KIF15: variants seen among roughly 807,000 people sequenced by gnomAD.
The protein encoded by KIF15 is kinesin-like protein KIF15.
KIF15 carries 140 observed loss-of-function variants against 190.6 expected under a neutral mutation model. The observed-to-expected ratio is 0.73, with a 90% confidence interval of 0.64 to 0.84. The LOEUF (loss-of-function observed/expected upper bound fraction) is 0.84, where lower values mean the gene tolerates loss of function less well. Ranked by LOEUF, KIF15 falls within the 40% of genes least tolerant of loss-of-function variation. The pLI is 0.00. For missense variants in KIF15, 1,372 were observed against 1,584.4 expected (o/e 0.87, Z 2.28); for synonymous variants, 528 against 551.3 (o/e 0.96, Z 0.59).
At chr3:44,800,191 A>G (rs1439586120) in intron 10 of KIF15, 123 bp from the exon 11 acceptor site, 31 of 826,482 alleles carry the variant, frequency 3.8e-5, no homozygotes, top group South Asian at 3.6e-5. Flanking sequence ...CCTTTTGACT[A>G]TGATGTGGTC....
intron 6 of KIF15, among the ~76,000 whole-genome samples, chr3:44,866,538 C>T (rs775778168): frequency 6.6e-6 from 1 of 152,230 alleles, no homozygotes; most frequent in Non-Finnish European, 1.5e-5. Context: ...TGAGTCTGAT[C>T]TCTGGCCCCA....
At chr3:44,839,967 G>A (rs1043451995) in intron 27 of KIF15, among the ~76,000 whole-genome samples, 11 of 152,140 alleles carry the variant, frequency 7.2e-5, no homozygotes, top group African/African-American at 2.2e-4. Context: ...TGGCTATTAC[G>A]AATAATGCTT....
intron 7 of KIF15, among the ~76,000 whole-genome samples, chr3:44,790,071 A>G (rs1706609837): frequency 6.6e-6 from 1 of 152,212 alleles, no homozygotes. Flanking sequence ...AGCACTTCCT[A>G]CCACCATACA....
Position 44,775,283 on chromosome 3 carries a change from T to C in KIF15, c.92T>C (p.Val31Ala). 6.2e-7 allele frequency: 1 copy of C among 1,613,944 alleles called. No individual in the cohort carries two copies. The highest frequency in any genetic ancestry group is 1.3e-5 in the African/African-American group (1 of 75,006). The change falls in exon 3 of 35, where the codon GTG becomes GCG. Residue 31 changes from valine to alanine, a missense_variant. Transcript: ENST00000326047. ...GAAGGTGATGCCATCAAAGTTTTTG[T>C]GCGAATTCGTCCTCCTGCAGAAAGA... ...SNEGDAIKVFVRIRPPAERSG... is the reference protein window; with the variant it reads ...SNEGDAIKVFARIRPPAERSG...
downstream of KIF15, among the ~76,000 whole-genome samples, chr3:44,855,284 A>G (rs1000266672): frequency 2.6e-5 from 4 of 152,228 alleles, no homozygotes; most frequent in Non-Finnish European, 5.9e-5. Context: ...AGGAGATTAC[A>G]AAGAACCTTA....
intron 6 of KIF15, among the ~76,000 whole-genome samples, chr3:44,867,722 G>A (rs995000554): frequency 2.6e-5 from 4 of 152,228 alleles, no homozygotes; most frequent in Non-Finnish European, 5.9e-5. Flanking sequence ...CTAAGAGGAA[G>A]ATCAGTCATT....
At chr3:44,845,875 C>T (rs190714662) in intron 30 of KIF15, among the ~76,000 whole-genome samples, 11 of 152,294 alleles carry the variant, frequency 7.2e-5, no homozygotes, top group Admixed American at 3.3e-4. Context: ...AACGCCAACT[C>T]CTGCACTGAG....
At chr3:44,849,040 G>T (rs1413818565) in intron 32 of KIF15, among the ~76,000 whole-genome samples, 3 of 152,196 alleles carry the variant, frequency 2.0e-5, no homozygotes, top group African/African-American at 7.2e-5. Context: ...TCTTTGATGA[G>T]CAAGGTGTAC....
chr3:44,792,465 C>G (rs1217195600), intron 7 of KIF15, among the ~76,000 whole-genome samples: 1 of 151,662 alleles, frequency 6.6e-6, no homozygotes, highest in Non-Finnish European at 1.5e-5. Context: ...CAAAGTGAGA[C>G]TCTGTCTTAA....
intron 20 of KIF15, 77 bp from the exon 21 acceptor site, chr3:44,825,962 T>C (rs1697614510): frequency 6.9e-6 from 9 of 1,304,326 alleles, no homozygotes; most frequent in Non-Finnish European, 7.4e-6. Flanking sequence ...ATGAGATAAA[T>C]TGAACTGCAG....
At position 44,799,445 on chromosome 3, in the gene KIF15, T is replaced by TA. The variant is rs199873166; in HGVS notation, c.1099-868dup. 6.0e-3 allele frequency among the ~76,000 whole-genome samples: 915 copies of TA among 152,210 alleles called. 5 individuals carry two copies. Among genetic ancestry groups the TA allele is most frequent in the Middle Eastern group, 0.024 (7 of 294 alleles). ...ACAGGGTGTTTTTTCCTTGCTGGAG[T>TA]ACTGAGTATTTCACAACTGAGTCCT... On this transcript the variant is annotated intron_variant, in intron 10 of 34. Transcript: ENST00000326047.
chr3:44,812,439 T>C (rs1013595159), intron 18 of KIF15, 150 bp downstream of exon 18: 9 of 637,420 alleles, frequency 1.4e-5, no homozygotes, highest in Non-Finnish European at 2.5e-5. Context: ...CACATGGCCT[T>C]AGTGAAGGCT....
intron 1 of KIF15, among the ~76,000 whole-genome samples, chr3:44,768,732 G>C (rs900057148): frequency 3.9e-5 from 6 of 151,910 alleles, no homozygotes; most frequent in East Asian, 3.9e-4. Flanking sequence ...CTGCTGACAG[G>C]GGGTGCTGTG....
At chr3:44,829,604 A>ATATAT (rs1491488325) in intron 24 of KIF15, among the ~76,000 whole-genome samples, 2 of 32,232 alleles carry the variant, frequency 6.2e-5, no homozygotes, top group African/African-American at 2.5e-4. Context: ...TTATATATGC[A>ATATAT]TATATATTAT....
intron 33 of KIF15, 21 bp from the exon 34 acceptor site, chr3:44,852,187 C>T (rs1699084942): frequency 6.2e-7 from 1 of 1,601,252 alleles, no homozygotes; most frequent in African/African-American, 1.3e-5. Context: ...ATTTTTCCCT[C>T]CTTGGATTGA....
downstream of KIF15, among the ~76,000 whole-genome samples, chr3:44,856,435 C>T (rs1029602451): frequency 1.4e-4 from 22 of 152,092 alleles, 1 homozygote; most frequent in Admixed American, 9.8e-4. Context: ...GGCGGGTTAG[C>T]GGCTTGTAAC....
chr3:44,814,889 A>G (rs755156127), intron 19 of KIF15, 22 bp from the exon 20 acceptor site: 6 of 1,562,426 alleles, frequency 3.8e-6, no homozygotes, highest in Non-Finnish European at 5.2e-6. Flanking sequence ...CCTACTGAGG[A>G]TATGTTTTCT....
rs1188393743 is a variant in KIF15, at chr3:44,850,818, T to C, written c.3807-969T>C. 2.6e-5 allele frequency among the ~76,000 whole-genome samples: 4 copies of C among 152,218 alleles called. No individual in the cohort carries two copies. The East Asian group carries it at 7.7e-4, about 29-fold the overall frequency. ...TTTATGTATTATATCATCTTAGCAA[T>C]CAACCGCTAGAAATTAGCTGGCTTT... On this transcript the variant is annotated intron_variant, in intron 32 of 34. Transcript: ENST00000326047.
In KIF15 at chr3:44,802,854, A is replaced by G. The variant is rs1177958554; in HGVS notation, c.1550A>G (p.Asn517Ser). The G allele has an allele frequency of 5.0e-6, 8 of 1,599,584 alleles. No individual in the cohort carries two copies. Among genetic ancestry groups the G allele is most frequent in the African/African-American group, 2.7e-5 (2 of 73,920 alleles). ...AGAGTTGCAAAGTATGCTATGGAAA[A>G]TCATTCCCTCAGGGAGGAGAATAGA... ...HPRVAKYAME[N>S]HSLREENRRL... Residue 517 changes from asparagine to serine, a missense_variant, in exon 14 of 35, where the codon AAT becomes AGT. Asn to Ser is a conservative substitution (Grantham distance 46). Coordinates refer to ENST00000326047, the MANE Select transcript of KIF15 (RefSeq NM_020242.3).
Sources: allele counts gnomAD v4.1 joint callset (sites outside exome capture counted in the v4.1 genomes callset), GRCh38; gene constraint gnomAD v4.1.1; transcripts MANE v1.5; gene names NCBI Gene and HGNC (gene_info 2026-07-23, HGNC 2026-07-21).